KAT2B: variants seen among roughly 807,000 people sequenced by gnomAD.
The protein encoded by KAT2B is lysine acetyltransferase 2B.
A neutral mutation model predicts 105.9 loss-of-function variants in KAT2B; 36 were observed. That is an observed-to-expected ratio of 0.34 (90% CI 0.26 to 0.45). KAT2B has a LOEUF of 0.45. Ranked by LOEUF, KAT2B falls within the 20% of genes least tolerant of loss-of-function variation. KAT2B has a pLI of 1.00. For missense variants in KAT2B, 820 were observed against 1,021.6 expected, an observed-to-expected ratio of 0.80 and a Z score of 2.69; for synonymous variants, 397 against 377.9, an observed-to-expected ratio of 1.05 and a Z score of -0.59.
intron 2 of KAT2B, among the ~76,000 whole-genome samples, chr3:20,081,593 C>T (rs1056497137): frequency 2.0e-5 from 3 of 152,062 alleles, no homozygotes; most frequent in Admixed American, 2.0e-4. Flanking sequence ...GGAACTGTGG[C>T]CCACCAAAAG....
At chr3:20,089,055 G>A (rs1307363259) in intron 2 of KAT2B, among the ~76,000 whole-genome samples, 1 of 152,088 alleles carries the variant, frequency 6.6e-6, no homozygotes, top group Non-Finnish European at 1.5e-5. Flanking sequence ...ATAGATTTCT[G>A]GGCTGTCTAT....
At chr3:20,077,910 C>T (rs1418749128) in intron 2 of KAT2B, among the ~76,000 whole-genome samples, 2 of 152,152 alleles carry the variant, frequency 1.3e-5, no homozygotes, top group African/African-American at 4.8e-5. Flanking sequence ...CATGGTGGCT[C>T]ACACCTGTAA....
chr3:20,128,781 G>C (rs532722114), intron 11 of KAT2B, among the ~76,000 whole-genome samples: 11 of 152,184 alleles, frequency 7.2e-5, no homozygotes, highest in African/African-American at 2.4e-4. Flanking sequence ...GCCAAGGTGG[G>C]TGGATCTCCT....
chr3:20,040,525 C>G lies in KAT2B; in HGVS notation c.48C>G (p.Ala16=). 1 of 1,007,650 alleles carries G rather than the reference C, an allele frequency of 9.9e-7. No homozygotes were observed. The highest frequency in any genetic ancestry group is 4.5e-5 in the South Asian group (1 of 22,408). 62.4% of individuals were successfully genotyped at this position (1,007,650 alleles called of 1,614,324 possible). Residue 16 remains alanine (A), a synonymous_variant, in exon 1 of 18, where the codon GCC becomes GCG. Coordinates refer to ENST00000263754, the MANE Select transcript of KAT2B (RefSeq NM_003884.5). The part of the protein sequence containing the change: ...GAGPGGCGAG[A]GAGAGPGALP... Reference sequence around the variant, plus strand: ...GGCCGGGCGGCTGCGGGGCAGGAGCCGGGGCAGGGGCCGGGCCCGGGGCGC... The same window carrying G: ...GGCCGGGCGGCTGCGGGGCAGGAGCGGGGGCAGGGGCCGGGCCCGGGGCGC...
At chr3:20,123,728 C>A (rs1455021401) in intron 9 of KAT2B, among the ~76,000 whole-genome samples, 2 of 152,198 alleles carry the variant, frequency 1.3e-5, no homozygotes, top group Non-Finnish European at 2.9e-5. Context: ...AACAACTCCC[C>A]AGCCTTGTTT....
intron 1 of KAT2B, among the ~76,000 whole-genome samples, chr3:20,068,188 A>T (rs1469024268): frequency 7.0e-6 from 1 of 143,534 alleles, no homozygotes; most frequent in African/African-American, 2.6e-5. Flanking sequence ...TAGAGATGGG[A>T]TTTCACCATG....
chr3:20,151,655 T>C (rs1699871619), intron 17 of KAT2B, among the ~76,000 whole-genome samples: 1 of 152,188 alleles, frequency 6.6e-6, no homozygotes. Flanking sequence ...GAGTACTGTT[T>C]TCACCTGTAA....
chr3:20,060,602 AAAAC>A (rs563263512), intron 1 of KAT2B, among the ~76,000 whole-genome samples: 4 of 139,356 alleles, frequency 2.9e-5, no homozygotes, highest in East Asian at 2.0e-4. Context: ...ACTCTGTCTA[AAAAC>A]AAACAAACAA....
chr3:20,070,599 C>G (rs187976546), intron 1 of KAT2B, among the ~76,000 whole-genome samples: 1 of 151,558 alleles, frequency 6.6e-6, no homozygotes, highest in African/African-American at 2.4e-5. Context: ...CCACCGTGCC[C>G]GGCCTCTCTT....
At chr3:20,041,107 G>A (rs983225012) in intron 1 of KAT2B, among the ~76,000 whole-genome samples, 1 of 152,134 alleles carries the variant, frequency 6.6e-6, no homozygotes, top group Admixed American at 6.5e-5. Context: ...ACTTTCCCGG[G>A]AGTGGAGCGG....
At chr3:20,118,811 A>G (rs1186120097) in intron 7 of KAT2B, among the ~76,000 whole-genome samples, 1 of 148,062 alleles carries the variant, frequency 6.8e-6, no homozygotes, top group Non-Finnish European at 1.5e-5. Context: ...ACAAATATAT[A>G]TTATATATAT....
chr3:20,059,134 C>G (rs979396393), intron 1 of KAT2B, among the ~76,000 whole-genome samples: 3 of 152,112 alleles, frequency 2.0e-5, no homozygotes, highest in Admixed American at 2.0e-4. Context: ...AAATATCTTG[C>G]TGGGCATGTG....
chr3:20,118,111 CTAAGT>C (rs1433386676), intron 7 of KAT2B, among the ~76,000 whole-genome samples: 2 of 147,868 alleles, frequency 1.4e-5, no homozygotes, highest in African/African-American at 5.0e-5. Flanking sequence ...CACTCTTCCC[CTAAGT>C]TATTTACATG....
chr3:20,041,295 G>A (rs1028434165), intron 1 of KAT2B, among the ~76,000 whole-genome samples: 3 of 152,134 alleles, frequency 2.0e-5, no homozygotes, highest in African/African-American at 7.2e-5. Context: ...AGGAAAGCGC[G>A]GGGTGGGAAG....
chr3:20,145,283 C>T (rs756151455), intron 13 of KAT2B, among the ~76,000 whole-genome samples: 17 of 152,050 alleles, frequency 1.1e-4, no homozygotes, highest in South Asian at 2.1e-4. Context: ...AAATTACATG[C>T]GTGGCTTGTA....
chr3:20,059,230 T>C (rs1698053980), intron 1 of KAT2B, among the ~76,000 whole-genome samples: 1 of 151,122 alleles, frequency 6.6e-6, no homozygotes, highest in African/African-American at 2.4e-5. Flanking sequence ...CTGGCCAACA[T>C]GGTGAAACCC....
intron 11 of KAT2B, 119 bp downstream of exon 11, chr3:20,127,668 G>T: frequency 1.1e-6 from 1 of 932,280 alleles, no homozygotes; most frequent in Admixed American, 2.6e-5. Context: ...GTGGAGTTAA[G>T]GACTTTCTGG....
intron 5 of KAT2B, among the ~76,000 whole-genome samples, chr3:20,107,456 A>G (rs1224144809): frequency 6.6e-6 from 1 of 151,588 alleles, no homozygotes; most frequent in Non-Finnish European, 1.5e-5. Context: ...TCAGGAGTTC[A>G]AGACCAGCCT....
intron 3 of KAT2B, among the ~76,000 whole-genome samples, chr3:20,098,614 A>C (rs1369911367): frequency 1.3e-5 from 2 of 152,164 alleles, no homozygotes; most frequent in African/African-American, 2.4e-5. Context: ...TTTACCTCCA[A>C]ATTGAAACCC....
Sources: gnomAD v4.1 joint callset for allele counts (sites outside exome capture counted in the v4.1 genomes callset) on GRCh38, gnomAD v4.1.1 for gene constraint, MANE v1.5 for transcripts, NCBI Gene and HGNC (gene_info 2026-07-23, HGNC 2026-07-21) for gene names.